The following SMCO2 variants were observed in gnomAD, a reference collection of about 807,000 sequenced individuals.
SMCO2 encodes single-pass membrane and coiled-coil domain-containing protein 2.
Under a neutral mutation model 29.5 loss-of-function variants are expected in SMCO2, and 25 were observed. The observed-to-expected ratio is 0.85, with a 90% confidence interval of 0.62 to 1.18. The LOEUF is 1.18. SMCO2 is among the 50% of genes most tolerant of loss of function. The pLI is 0.00. For missense variants in SMCO2, 348 were observed against 344.5 expected, an observed-to-expected ratio of 1.01 and a Z score of -0.08; for synonymous variants, 117 against 123.3, an observed-to-expected ratio of 0.95 and a Z score of 0.34.
upstream of SMCO2, among the ~76,000 whole-genome samples, chr12:27,463,234 C>T (rs760747890): frequency 1.3e-5 from 2 of 152,150 alleles, no homozygotes; most frequent in Non-Finnish European, 2.9e-5. Flanking sequence ...GGGAACTTCA[C>T]TTAGGTTCTC....
At chr12:27,477,264 A>G (rs1161511672) in intron 4 of SMCO2, among the ~76,000 whole-genome samples, 33 of 120,670 alleles carry the variant, frequency 2.7e-4, no homozygotes, top group African/African-American at 1.0e-3. Flanking sequence ...ATATCATCCC[A>G]TTCTCTCCTT....
At chr12:27,439,548 C>A in the SMCO2 span, among the ~76,000 whole-genome samples, 2 of 152,066 alleles carry the variant, frequency 1.3e-5, no homozygotes, top group African/African-American at 4.8e-5. Context: ...GCTCCCCAAC[C>A]AAGAATTCAA....
the SMCO2 span, among the ~76,000 whole-genome samples, chr12:27,451,197 G>A: frequency 2.0e-5 from 3 of 152,166 alleles, no homozygotes; most frequent in African/African-American, 7.2e-5. Flanking sequence ...GAGTCTCTGT[G>A]AACACTGAAT....
the SMCO2 span, among the ~76,000 whole-genome samples, chr12:27,441,834 A>G: frequency 6.6e-6 from 1 of 152,226 alleles, no homozygotes; most frequent in Non-Finnish European, 1.5e-5. Flanking sequence ...GTCTGCATAA[A>G]TTCAAAAAAA....
chr12:27,452,142 G>A, the SMCO2 span, among the ~76,000 whole-genome samples: 1 of 152,114 alleles, frequency 6.6e-6, no homozygotes, highest in Admixed American at 6.5e-5. Context: ...GTCATAGGGT[G>A]GATACTAGGG....
At chr12:27,472,738 C>A in intron 2 of SMCO2, 38 bp from the exon 3 acceptor site, 1 of 1,500,484 alleles carries the variant, frequency 6.7e-7, no homozygotes, top group Non-Finnish European at 9.1e-7. Flanking sequence ...GGCCCAAAGG[C>A]ATAATAACAG....
At chr12:27,466,427 A>G (rs1331546516), upstream of SMCO2, among the ~76,000 whole-genome samples, 1 of 152,182 alleles carries the variant, frequency 6.6e-6, no homozygotes, top group Non-Finnish European at 1.5e-5. Flanking sequence ...ATAAAATAAA[A>G]TAAAAAAAGG....
At chr12:27,453,428 G>A in the SMCO2 span, among the ~76,000 whole-genome samples, 5 of 152,314 alleles carry the variant, frequency 3.3e-5, no homozygotes, top group African/African-American at 1.2e-4. Flanking sequence ...AGCCCAACTA[G>A]AGAATGGAAC....
the SMCO2 span, among the ~76,000 whole-genome samples, chr12:27,435,366 C>T: frequency 1.4e-5 from 2 of 139,798 alleles, no homozygotes; most frequent in South Asian, 4.7e-4. Flanking sequence ...GGGTGGGGTG[C>T]AAAATCCCCG....
At chr12:27,481,121 A>C (rs1384377920) in intron 4 of SMCO2, among the ~76,000 whole-genome samples, 5 of 152,304 alleles carry the variant, frequency 3.3e-5, no homozygotes, top group Non-Finnish European at 7.4e-5. Flanking sequence ...GGATGTCGGC[A>C]GGGCTTCAGG....
chr12:27,448,375 CTT>C, the SMCO2 span, among the ~76,000 whole-genome samples: 1 of 152,186 alleles, frequency 6.6e-6, no homozygotes, highest in South Asian at 2.1e-4. Flanking sequence ...AGCGGCAAGT[CTT>C]TACTGAGTTT....
the SMCO2 span, among the ~76,000 whole-genome samples, chr12:27,452,688 A>G: frequency 6.6e-6 from 1 of 152,110 alleles, no homozygotes; most frequent in South Asian, 2.1e-4. Context: ...GGATCTGACT[A>G]TGTTCCTCAG....
the SMCO2 span, among the ~76,000 whole-genome samples, chr12:27,438,395 T>C: frequency 2.0e-5 from 3 of 152,344 alleles, no homozygotes; most frequent in Admixed American, 1.3e-4. Flanking sequence ...TCCAGAGCAA[T>C]GCAGCCGACA....
intron 5 of SMCO2, chr12:27,494,056 T>C (rs1942965030): frequency 4.0e-6 from 1 of 252,320 alleles, no homozygotes; most frequent in South Asian, 1.5e-4. Flanking sequence ...TTAACTGCTA[T>C]TGTGTAAATG....
chr12:27,466,587 A>T (rs1219033550), upstream of SMCO2, among the ~76,000 whole-genome samples: 1 of 152,060 alleles, frequency 6.6e-6, no homozygotes, highest in African/African-American at 2.4e-5. Context: ...GCATCCCAGA[A>T]CACCATATCA....
intron 2 of SMCO2, among the ~76,000 whole-genome samples, chr12:27,471,217 A>G (rs1468873658): frequency 6.6e-6 from 1 of 152,242 alleles, no homozygotes; most frequent in African/African-American, 2.4e-5. Flanking sequence ...AGATTTTCCA[A>G]GAATCCCTCA....
chr12:27,475,149 G>T (rs1381826579), intron 4 of SMCO2, among the ~76,000 whole-genome samples: 2 of 152,046 alleles, frequency 1.3e-5, no homozygotes, highest in Admixed American at 6.6e-5. Context: ...CTTCTTTGAG[G>T]CCTGAAATTA....
Position 27,495,746 on chromosome 12 carries a change from A to G in SMCO2, c.574A>G (p.Thr192Ala). The change falls in exon 7 of 8, where the codon ACT (threonine) becomes GCT (alanine). Residue 192 changes from threonine to alanine, a missense_variant. By Grantham distance (58) the Thr-to-Ala change is moderately conservative. Transcript: ENST00000298876. Reference sequence around the variant, plus strand: ...GATGTATCAAATGGAGGCAGAGGACACTGACTCTCACAGTTCTGAGGAAAT... The same window carrying G: ...GATGTATCAAATGGAGGCAGAGGACGCTGACTCTCACAGTTCTGAGGAAAT... 6.5e-7 allele frequency: 1 copy of G among 1,539,992 alleles called. No homozygotes were observed. Among genetic ancestry groups the G allele is most frequent in the Non-Finnish European group, 8.8e-7 (1 of 1,140,240 alleles).
chr12:27,494,120 C>A (rs1414879221), intron 5 of SMCO2, 180 bp from the exon 7 acceptor site: 6 of 423,654 alleles, frequency 1.4e-5, no homozygotes, highest in South Asian at 4.0e-5. Flanking sequence ...ATGGTTATAC[C>A]ACTTACAGTC....
Sources: gnomAD v4.1 joint callset for allele counts (sites outside exome capture counted in the v4.1 genomes callset) on GRCh38, gnomAD v4.1.1 for gene constraint, MANE v1.5 for transcripts, NCBI Gene and HGNC (gene_info 2026-07-23, HGNC 2026-07-21) for gene names.